MRC1: variants seen among roughly 807,000 people sequenced by gnomAD.
MRC1 encodes macrophage mannose receptor 1.
Under a neutral mutation model 102.9 loss-of-function variants are expected in MRC1, and 62 were observed. That is an observed-to-expected ratio of 0.60 (90% confidence interval 0.49 to 0.74). The LOEUF (loss-of-function observed/expected upper bound fraction) is 0.74, where lower values mean the gene tolerates loss of function less well. Ranked by LOEUF, MRC1 falls within the 30% of genes least tolerant of loss-of-function variation. The pLI is 0.00. For missense variants in MRC1, 1,237 were observed against 862.8 expected (o/e 1.43, Z -5.43); for synonymous variants, 457 against 298.4 (o/e 1.53, Z -5.48).
intron 26 of MRC1, among the ~76,000 whole-genome samples, chr10:17,903,198 T>G (rs1157329302): frequency 1.3e-5 from 2 of 151,978 alleles, no homozygotes; most frequent in African/African-American, 4.8e-5. Context: ...CAGTCTATGT[T>G]TTTTGATTGT....
rs1042410431 is a variant in MRC1 at position 17,901,702 on chromosome 10, A to T, written c.3650-271A>T. Among the ~76,000 whole-genome samples the T allele has an allele frequency of 1.4e-4, 21 of 152,132 alleles. No individual in the cohort carries two copies. The East Asian group carries it at 2.7e-3, about 20-fold the overall frequency. On this transcript the variant is annotated intron_variant, in intron 25 of 29. Transcript: ENST00000569591. ...AAGACTTCGTCTCAAAAAAAAAAAA[A>T]TTATCTTTGTAGGTATCTATAGATC...
chr10:17,814,724 C>T (rs1012848209), intron 1 of MRC1, among the ~76,000 whole-genome samples: 32 of 133,042 alleles, frequency 2.4e-4, no homozygotes, highest in African/African-American at 8.3e-4. Context: ...CTCGCTCTGT[C>T]GCCCAGGCTG....
intron 9 of MRC1, among the ~76,000 whole-genome samples, chr10:17,861,067 TG>T (rs1194371674): frequency 6.6e-6 from 1 of 152,236 alleles, no homozygotes; most frequent in Non-Finnish European, 1.5e-5. Context: ...CCCAGCACTT[TG>T]GGAGGCCAAG....
At chr10:17,837,450 G>T (rs1480292142) in intron 4 of MRC1, among the ~76,000 whole-genome samples, 2 of 151,982 alleles carry the variant, frequency 1.3e-5, no homozygotes, top group African/African-American at 4.8e-5. Flanking sequence ...GATATATTGG[G>T]GAATAATCCA....
chr10:17,838,336 C>T (rs903734549), intron 4 of MRC1, among the ~76,000 whole-genome samples: 2 of 152,150 alleles, frequency 1.3e-5, no homozygotes, highest in Non-Finnish European at 2.9e-5. Flanking sequence ...TTGCACACTA[C>T]CCACAGCTGT....
At chr10:17,830,807 C>G (rs1033166251) in intron 3 of MRC1, among the ~76,000 whole-genome samples, 1 of 151,190 alleles carries the variant, frequency 6.6e-6, no homozygotes, top group Non-Finnish European at 1.5e-5. Context: ...TTCCTTCTTA[C>G]GTCATTTATG....
chr10:17,861,334 A>G, intron 9 of MRC1, 53 bp from the exon 10 acceptor site: 1 of 767,920 alleles, frequency 1.3e-6, no homozygotes, highest in Non-Finnish European at 2.3e-6. Context: ...AATATTTTAT[A>G]ATATATATGC....
chr10:17,900,691 C>T, intron 24 of MRC1, 97 bp from the exon 25 acceptor site: 1 of 769,636 alleles, frequency 1.3e-6, no homozygotes, highest in Admixed American at 1.8e-5. Context: ...TATGTCAAAT[C>T]ATGGTCTTAA....
chr10:17,812,706 G>A (rs1317895797), intron 1 of MRC1, among the ~76,000 whole-genome samples: 2 of 151,566 alleles, frequency 1.3e-5, no homozygotes, highest in African/African-American at 4.9e-5. Flanking sequence ...CGAGTAGCTG[G>A]GATTACAGGC....
intron 1 of MRC1, among the ~76,000 whole-genome samples, chr10:17,813,694 A>G (rs1838261346): frequency 9.9e-6 from 1 of 100,788 alleles, no homozygotes; most frequent in Non-Finnish European, 2.1e-5. Context: ...ATATATATAT[A>G]TATATATTTT....
chr10:17,857,566 A>C (rs1441351136), intron 9 of MRC1, among the ~76,000 whole-genome samples: 1 of 152,220 alleles, frequency 6.6e-6, no homozygotes, highest in Non-Finnish European at 1.5e-5. Context: ...GCATTCTAAT[A>C]GATTTACAGG....
chr10:17,879,905 T>A, intron 19 of MRC1, 84 bp downstream of exon 19: 1 of 779,408 alleles, frequency 1.3e-6, no homozygotes, highest in East Asian at 2.4e-5. Context: ...GCAAGTTGTG[T>A]GCTTACATCA....
chr10:17,848,393 C>T (rs959387778), intron 6 of MRC1, among the ~76,000 whole-genome samples: 4 of 152,178 alleles, frequency 2.6e-5, no homozygotes, highest in Admixed American at 6.5e-5. Context: ...GTACCAGGCC[C>T]TGTGCCAGGC....
intron 17 of MRC1, among the ~76,000 whole-genome samples, chr10:17,876,098 G>A (rs957455065): frequency 1.3e-5 from 2 of 152,054 alleles, no homozygotes; most frequent in African/African-American, 4.8e-5. Flanking sequence ...TCTACAATTG[G>A]TACCCCCTAG....
intron 1 of MRC1, among the ~76,000 whole-genome samples, chr10:17,819,942 C>T (rs1838371150): frequency 6.6e-6 from 1 of 152,188 alleles, no homozygotes; most frequent in Non-Finnish European, 1.5e-5. Context: ...AAGATCCTGT[C>T]TCAAAAACAA....
chr10:17,891,825 C>T (rs1241223112), intron 22 of MRC1, among the ~76,000 whole-genome samples: 8 of 152,144 alleles, frequency 5.3e-5, no homozygotes, highest in African/African-American at 1.9e-4. Flanking sequence ...CAGAGAGGCA[C>T]AGTTCTTCGG....
In MRC1 at chr10:17,840,754, C is replaced by G. The variant is rs782286505; in HGVS notation, c.864C>G (p.Ser288Arg). 15 of 780,750 alleles carry G rather than the reference C, an allele frequency of 1.9e-5. No individual in the cohort carries two copies. The highest frequency in any genetic ancestry group is 1.2e-4 in the South Asian group (9 of 74,622). 48.4% of individuals were successfully genotyped at this position (780,750 alleles called of 1,614,324 possible). ...WIGLNSLSFN[S>R]GWQWSDRSPF... ...GACTTAACAGTCTGAGCTTCAACAGCGGTTGGCAGTGGAGTGACCGCAGTC... is the reference window on the plus strand; with the variant it reads ...GACTTAACAGTCTGAGCTTCAACAGGGGTTGGCAGTGGAGTGACCGCAGTC... The change falls in exon 5 of 30, where the codon AGC becomes AGG. Residue 288 changes from serine (S) to arginine (R), a missense_variant. By Grantham distance (110) the Ser-to-Arg change is moderately radical (BLOSUM62 -1). Transcript: ENST00000569591.
chr10:17,860,719 G>T lies in MRC1; in HGVS notation c.1519-668G>T, dbSNP rs1296403729. Among the ~76,000 whole-genome samples, 3 of 152,186 alleles carry T rather than the reference G, an allele frequency of 2.0e-5. No individual in the cohort carries two copies. The East Asian group carries it at 5.8e-4, about 29-fold the overall frequency. The stretch of plus-strand genomic sequence containing the variant: ...TTGTCTTCCATAGGCAACTAGGTTT[G>T]CTCTTCCCCAAATTCTTTCCTGTGG... On this transcript the variant is annotated intron_variant, in intron 9 of 29. Coordinates refer to ENST00000569591, the MANE Select transcript of MRC1 (RefSeq NM_002438.4).
At chr10:17,832,758 T>G (rs1838597418) in intron 3 of MRC1, among the ~76,000 whole-genome samples, 1 of 151,006 alleles carries the variant, frequency 6.6e-6, no homozygotes, top group African/African-American at 2.4e-5. Flanking sequence ...CGGCTAATTT[T>G]TTTTGTATTT....
Sources: allele counts gnomAD v4.1 joint callset (sites outside exome capture counted in the v4.1 genomes callset), GRCh38; gene constraint gnomAD v4.1.1; transcripts MANE v1.5; gene names NCBI Gene and HGNC (gene_info 2026-07-23, HGNC 2026-07-21).